SIPA1L1: variants seen among roughly 807,000 people sequenced by gnomAD.
SIPA1L1 encodes the protein signal-induced proliferation-associated 1-like protein 1.
A neutral mutation model predicts 162.7 loss-of-function variants in SIPA1L1; 26 were observed. The ratio of observed to expected loss-of-function variants is 0.16; its 90% confidence interval spans 0.12 to 0.22. SIPA1L1 has a LOEUF of 0.22. SIPA1L1 is among the 10% of genes least tolerant of loss of function. The pLI is 1.00. For missense variants in SIPA1L1, 1,874 were observed against 2,241.0 expected (o/e 0.84, Z 3.31); for synonymous variants, 829 against 837.4 (o/e 0.99, Z 0.17).
At chr14:71,696,060 T>G (rs2081600084) in intron 13 of SIPA1L1, among the ~76,000 whole-genome samples, 1 of 152,316 alleles carries the variant, frequency 6.6e-6, no homozygotes, top group East Asian at 1.9e-4. Flanking sequence ...TGATCTTCTC[T>G]TATTAAAACA....
intron 2 of SIPA1L1, among the ~76,000 whole-genome samples, chr14:71,340,143 C>T (rs1277563317): frequency 6.6e-6 from 1 of 152,178 alleles, no homozygotes; most frequent in Non-Finnish European, 1.5e-5. Context: ...AGATTTTCAT[C>T]TGTTTCTCCA....
At chr14:71,378,109 T>C (rs918286501) in intron 2 of SIPA1L1, among the ~76,000 whole-genome samples, 8 of 105,712 alleles carry the variant, frequency 7.6e-5, no homozygotes, top group African/African-American at 1.9e-4. Flanking sequence ...TGTTTTGTCT[T>C]TTTTTTTTTG....
At chr14:71,454,307 A>T (rs1197353808) in intron 2 of SIPA1L1, among the ~76,000 whole-genome samples, 5 of 152,236 alleles carry the variant, frequency 3.3e-5, no homozygotes, top group African/African-American at 1.2e-4. Context: ...GAAAAACTAT[A>T]GTATTTAGAA....
At chr14:71,321,813 C>T (rs1352864821) in intron 2 of SIPA1L1, 1 of 152,150 alleles carries the variant, frequency 6.6e-6, no homozygotes, top group African/African-American at 2.4e-5. Flanking sequence ...TCTTAAATCG[C>T]TCCACGGCAT....
chr14:71,430,023 C>A (rs2043866752), intron 2 of SIPA1L1, among the ~76,000 whole-genome samples: 1 of 152,146 alleles, frequency 6.6e-6, no homozygotes, highest in Admixed American at 6.5e-5. Context: ...GTCTTAAGTG[C>A]TTCTGAAGTT....
chr14:71,679,022 A>G (rs528471435), intron 12 of SIPA1L1, among the ~76,000 whole-genome samples: 63 of 152,280 alleles, frequency 4.1e-4, no homozygotes, highest in African/African-American at 1.5e-3. Context: ...TCAGGATATT[A>G]TCCTGGAGAA....
At chr14:71,684,438 C>A (rs1369130645) in intron 12 of SIPA1L1, among the ~76,000 whole-genome samples, 1 of 152,270 alleles carries the variant, frequency 6.6e-6, no homozygotes, top group Non-Finnish European at 1.5e-5. Flanking sequence ...CACGTCAAGA[C>A]CAGGCCTTTG....
At chr14:71,530,531 A>G (rs1259896796) in intron 4 of SIPA1L1, among the ~76,000 whole-genome samples, 4 of 152,156 alleles carry the variant, frequency 2.6e-5, no homozygotes, top group African/African-American at 9.7e-5. Flanking sequence ...TTCTTGAAAA[A>G]TTAGTAGGAA....
chr14:71,632,485 C>G (rs1375073521), intron 7 of SIPA1L1, among the ~76,000 whole-genome samples: 1 of 152,208 alleles, frequency 6.6e-6, no homozygotes, highest in Non-Finnish European at 1.5e-5. Context: ...CCACAGCCTT[C>G]CCTCCTCCCT....
intron 2 of SIPA1L1, among the ~76,000 whole-genome samples, chr14:71,365,299 A>C (rs1425978171): frequency 6.6e-6 from 1 of 151,996 alleles, no homozygotes; most frequent in South Asian, 2.1e-4. Context: ...ATCCCATTAC[A>C]GGCATGAGCC....
intron 4 of SIPA1L1, among the ~76,000 whole-genome samples, chr14:71,544,411 T>C (rs924004674): frequency 6.6e-6 from 1 of 152,018 alleles, no homozygotes; most frequent in Non-Finnish European, 1.5e-5. Flanking sequence ...ATACTTTTCC[T>C]TGTCTGTAGC....
chr14:71,493,207 C>T (rs1229233169), intron 2 of SIPA1L1, among the ~76,000 whole-genome samples: 1 of 152,054 alleles, frequency 6.6e-6, no homozygotes, highest in Admixed American at 6.6e-5. Flanking sequence ...ATTTTCCTGC[C>T]TCAGCCTCCT....
At chr14:71,626,151 A>G (rs1290069699) in intron 7 of SIPA1L1, among the ~76,000 whole-genome samples, 2 of 152,232 alleles carry the variant, frequency 1.3e-5, no homozygotes, top group Non-Finnish European at 2.9e-5. Flanking sequence ...TAATCATAAT[A>G]TATGATAGTT....
At chr14:71,404,857 T>C (rs2041930401) in intron 2 of SIPA1L1, among the ~76,000 whole-genome samples, 1 of 152,216 alleles carries the variant, frequency 6.6e-6, no homozygotes, top group Non-Finnish European at 1.5e-5. Context: ...TTAGGACGTC[T>C]AGCTCCAATT....
Position 71,624,134 on chromosome 14 carries a change from A to C in SIPA1L1, c.1716A>C (p.Glu572Asp), listed in dbSNP as rs1202085451. ...CAGCCAGAGGCCTGCCTCTCAAAGA[A>C]GTGCTGGAGCACGTGGTTCCTGAGC... The part of the protein sequence containing the change: ...HSTARGLPLK[E>D]VLEHVVPELN... Residue 572 changes from glutamate (E) to aspartate (D), a missense_variant, in exon 7 of 24, where the codon GAA becomes GAC. Glu to Asp is a conservative substitution (Grantham distance 45, BLOSUM62 2). Around this residue, in one of 5 missense-constraint regions of SIPA1L1, gnomAD observed 685 missense variants for 828.0 expected, o/e 0.83. Transcript: ENST00000381232. The C allele has an allele frequency of 1.2e-6, 2 of 1,614,078 alleles. No individual in the cohort carries two copies. Among genetic ancestry groups the C allele is most frequent in the African/African-American group, 2.7e-5 (2 of 74,942 alleles).
At chr14:71,410,052 C>T (rs994778652) in intron 2 of SIPA1L1, among the ~76,000 whole-genome samples, 3 of 152,102 alleles carry the variant, frequency 2.0e-5, no homozygotes, top group South Asian at 4.1e-4. Flanking sequence ...ATTCTTGGCT[C>T]ATTATTTATT....
intron 13 of SIPA1L1, among the ~76,000 whole-genome samples, chr14:71,697,250 G>C (rs1168524263): frequency 6.6e-6 from 1 of 152,176 alleles, no homozygotes; most frequent in African/African-American, 2.4e-5. Flanking sequence ...AGAGAAATCA[G>C]AAGCCCCTCA....
intron 2 of SIPA1L1, among the ~76,000 whole-genome samples, chr14:71,450,792 A>G (rs1330215474): frequency 3.9e-5 from 6 of 152,206 alleles, no homozygotes; most frequent in African/African-American, 1.4e-4. Flanking sequence ...GAACCCTTGC[A>G]TACTGTTGGT....
intron 16 of SIPA1L1, among the ~76,000 whole-genome samples, chr14:71,707,924 A>T (rs1409440444): frequency 4.0e-5 from 6 of 151,710 alleles, no homozygotes; most frequent in Admixed American, 1.3e-4. Context: ...TTATAGCCAA[A>T]GTGGCATCTC....
Sources: gnomAD v4.1 joint callset for allele counts (sites outside exome capture counted in the v4.1 genomes callset) on GRCh38, gnomAD v4.1.1 for gene constraint, gnomAD v4.1.1 regional missense constraint, MANE v1.5 for transcripts, NCBI Gene and HGNC (gene_info 2026-07-23, HGNC 2026-07-21) for gene names.